Variants in BCKDHB observed in about 807,000 individuals in gnomAD.
The protein encoded by BCKDHB is 2-oxoisovalerate dehydrogenase subunit beta, mitochondrial.
BCKDHB carries 41 observed loss-of-function variants against 48.5 expected under a neutral mutation model. The ratio of observed to expected loss-of-function variants is 0.85; its 90% confidence interval spans 0.66 to 1.10. BCKDHB has a LOEUF of 1.10. Among genes scored for constraint, BCKDHB ranks in the 50% least tolerant of loss-of-function variants. BCKDHB has a pLI of 0.00. For missense variants in BCKDHB, 496 were observed against 494.2 expected, an observed-to-expected ratio of 1.00 and a Z score of -0.03; for synonymous variants, 201 against 174.8, an observed-to-expected ratio of 1.15 and a Z score of -1.18.
At chr6:80,259,751 A>G (rs1210160842) in intron 8 of BCKDHB, among the ~76,000 whole-genome samples, 1 of 152,238 alleles carries the variant, frequency 6.6e-6, no homozygotes, top group East Asian at 1.9e-4. Flanking sequence ...ATTCAAAAAC[A>G]CCAATTTATA....
At chr6:80,240,867 C>A (rs779899335) in intron 8 of BCKDHB, among the ~76,000 whole-genome samples, 18 of 152,278 alleles carry the variant, frequency 1.2e-4, no homozygotes, top group South Asian at 8.3e-4. Flanking sequence ...TTCCTTTCTC[C>A]CCGTCACTTT....
At chr6:80,280,758 G>A (rs577932402) in intron 9 of BCKDHB, among the ~76,000 whole-genome samples, 116 of 152,274 alleles carry the variant, frequency 7.6e-4, no homozygotes, top group Non-Finnish European at 1.4e-3. Flanking sequence ...ACTCATTACT[G>A]TATGTGATTA....
chr6:80,119,133 A>G (rs1769867648), intron 1 of BCKDHB, among the ~76,000 whole-genome samples: 1 of 152,172 alleles, frequency 6.6e-6, no homozygotes, highest in Non-Finnish European at 1.5e-5. Context: ...TACTAAAAAT[A>G]CAAAAAAATT....
chr6:80,353,167 T>C, the BCKDHB span, among the ~76,000 whole-genome samples: 1 of 152,208 alleles, frequency 6.6e-6, no homozygotes, highest in Non-Finnish European at 1.5e-5. Context: ...TATTTGACTT[T>C]CTGTGTCTGG....
chr6:80,271,772 C>T (rs1282679767), intron 8 of BCKDHB, among the ~76,000 whole-genome samples: 1 of 150,532 alleles, frequency 6.6e-6, no homozygotes, highest in Non-Finnish European at 1.5e-5. Context: ...GACATGGTGC[C>T]ACTGCACTCC....
intron 8 of BCKDHB, among the ~76,000 whole-genome samples, chr6:80,250,069 G>T (rs147736317): frequency 6.6e-6 from 1 of 152,134 alleles, no homozygotes; most frequent in African/African-American, 2.4e-5. Flanking sequence ...GGTGTAGAGT[G>T]TGGGCTGGGT....
the BCKDHB span, among the ~76,000 whole-genome samples, chr6:80,398,231 A>G: frequency 7.3e-6 from 1 of 137,712 alleles, no homozygotes; most frequent in Admixed American, 7.9e-5. Flanking sequence ...TATCAAAACC[A>G]GAGCTAAACT....
the BCKDHB span, chr6:80,356,164 G>A: frequency 6.6e-6 from 1 of 152,140 alleles, no homozygotes; most frequent in East Asian, 1.9e-4. Flanking sequence ...TGGGCTTCTT[G>A]AAGGGGCTGC....
intron 8 of BCKDHB, among the ~76,000 whole-genome samples, chr6:80,257,778 C>T (rs898041864): frequency 2.0e-5 from 3 of 152,034 alleles, no homozygotes; most frequent in Non-Finnish European, 2.9e-5. Flanking sequence ...GTCCAAAGGG[C>T]TGGAGCCTAG....
At chr6:80,270,412 A>G (rs553532093) in intron 8 of BCKDHB, among the ~76,000 whole-genome samples, 12 of 152,252 alleles carry the variant, frequency 7.9e-5, no homozygotes, top group African/African-American at 2.9e-4. Context: ...TTTTTGTGAC[A>G]ATCATTGTTT....
chr6:80,121,920 G>T (rs1425454137), intron 1 of BCKDHB, among the ~76,000 whole-genome samples: 1 of 152,176 alleles, frequency 6.6e-6, no homozygotes, highest in East Asian at 1.9e-4. Context: ...GGGCATCCTT[G>T]TCTCGTGCCA....
At chr6:80,184,230 C>T (rs1307515767) in intron 6 of BCKDHB, among the ~76,000 whole-genome samples, 2 of 152,080 alleles carry the variant, frequency 1.3e-5, no homozygotes, top group Non-Finnish European at 2.9e-5. Flanking sequence ...ATTGTTGTTG[C>T]TTTAAAGTCT....
chr6:80,117,977 A>G (rs1450012976), intron 1 of BCKDHB, among the ~76,000 whole-genome samples: 3 of 152,106 alleles, frequency 2.0e-5, no homozygotes, highest in Non-Finnish European at 4.4e-5. Context: ...TATTCTGGCT[A>G]GGTTCTTAGC....
chr6:80,234,239 T>G (rs1776052755), intron 8 of BCKDHB, among the ~76,000 whole-genome samples: 1 of 152,144 alleles, frequency 6.6e-6, no homozygotes, highest in Non-Finnish European at 1.5e-5. Flanking sequence ...GTATAATGGA[T>G]GTAGTATCAG....
the BCKDHB span, among the ~76,000 whole-genome samples, chr6:80,466,083 G>T: frequency 2.6e-5 from 4 of 152,174 alleles, no homozygotes; most frequent in East Asian, 7.7e-4. Flanking sequence ...TTAAGTTGAT[G>T]TCTTGGACCT....
the BCKDHB span, among the ~76,000 whole-genome samples, chr6:80,425,559 A>G: frequency 6.6e-6 from 1 of 152,348 alleles, no homozygotes; most frequent in South Asian, 2.1e-4. Flanking sequence ...GGAAAGATCT[A>G]AAATAGCATG....
At chr6:80,278,429 T>C (rs933304925) in intron 9 of BCKDHB, among the ~76,000 whole-genome samples, 3 of 152,210 alleles carry the variant, frequency 2.0e-5, no homozygotes, top group Non-Finnish European at 2.9e-5. Context: ...TATTGTGGAT[T>C]GGGCTGCTTC....
chr6:80,149,984 T>TAATA (rs1554186958), intron 3 of BCKDHB, among the ~76,000 whole-genome samples: 5 of 150,684 alleles, frequency 3.3e-5, no homozygotes, highest in Non-Finnish European at 5.9e-5. Context: ...ATAATAATAA[T>TAATA]AAAAAAAAAT....
chr6:80,334,637 TAAA>T (rs5877702), intron 9 of BCKDHB, among the ~76,000 whole-genome samples: 62 of 149,538 alleles, frequency 4.1e-4, no homozygotes, highest in Middle Eastern at 3.4e-3. Flanking sequence ...GATTAACTGT[TAAA>T]AAAAAAAAAA....
Sources: allele counts gnomAD v4.1 joint callset (sites outside exome capture counted in the v4.1 genomes callset), GRCh38; gene constraint gnomAD v4.1.1; transcripts MANE v1.5; gene names NCBI Gene and HGNC (gene_info 2026-07-23, HGNC 2026-07-21).